Variants in RBM38 observed in about 807,000 individuals in gnomAD.
RBM38 encodes RNA-binding protein 38.
Under a neutral mutation model 23.5 loss-of-function variants are expected in RBM38, and 11 were observed. The observed-to-expected ratio is 0.47, with a 90% CI of 0.29 to 0.77. The LOEUF (loss-of-function observed/expected upper bound fraction) is 0.77. Among genes scored for constraint, RBM38 ranks in the 30% least tolerant of loss-of-function variants. RBM38 has a pLI of 0.08. For missense variants in RBM38, 330 were observed against 351.9 expected (o/e 0.94, Z 0.50); for synonymous variants, 165 against 166.1 (o/e 0.99, Z 0.05).
At chr20:57,396,212 A>C (rs1042795948) in intron 3 of RBM38, among the ~76,000 whole-genome samples, 1 of 152,014 alleles carries the variant, frequency 6.6e-6, no homozygotes. Context: ...GTGAGACCTA[A>C]CTCACCTGTG....
rs1011106722 is a variant in RBM38, at chr20:57,408,821, C to T, written c.*975C>T. On this transcript the variant is annotated 3_prime_UTR_variant, in exon 4 of 4. Transcript: ENST00000356208. Reference sequence around the variant, plus strand: ...GCGACGTTGACACTCCTCTCCCTTCCCTTCCTCCCCAACTCCCCAAACACT... The same window carrying T: ...GCGACGTTGACACTCCTCTCCCTTCTCTTCCTCCCCAACTCCCCAAACACT... The T allele has an allele frequency of 1.3e-5, 2 of 152,606 alleles. No homozygotes were observed. Among genetic ancestry groups the T allele is most frequent in the African/African-American group, 4.8e-5 (2 of 41,444 alleles). 9.5% of individuals were successfully genotyped at this position (152,606 alleles called of 1,614,324 possible). A position where few individuals can be genotyped will look rare whatever the true frequency, so the allele number is the denominator to read the frequency against.
At chr20:57,395,566 G>T (rs1319751836) in intron 3 of RBM38, among the ~76,000 whole-genome samples, 1 of 152,200 alleles carries the variant, frequency 6.6e-6, no homozygotes, top group South Asian at 2.1e-4. Context: ...AAACAGGGAC[G>T]GTGTCAGAGG....
intron 3 of RBM38, among the ~76,000 whole-genome samples, chr20:57,395,514 G>C (rs776370708): frequency 6.6e-6 from 1 of 152,202 alleles, no homozygotes; most frequent in Admixed American, 6.5e-5. Flanking sequence ...ACGATGAAGA[G>C]GCCGCAGACT....
chr20:57,403,207 C>T (rs889896180), intron 3 of RBM38, among the ~76,000 whole-genome samples: 5 of 152,204 alleles, frequency 3.3e-5, no homozygotes, highest in Admixed American at 2.6e-4. Flanking sequence ...CACCTCTAGG[C>T]CTCACAGCAA....
Position 57,392,782 on chromosome 20 carries a change from G to A in RBM38, c.361+5G>A. The A allele has an allele frequency of 6.2e-7, 1 of 1,610,906 alleles. No individual in the cohort carries two copies. Among genetic ancestry groups the A allele is most frequent in the Non-Finnish European group, 8.5e-7 (1 of 1,179,194 alleles). On this transcript the variant is annotated splice_donor_5th_base_variant and intron_variant, in intron 2 of 3. Coordinates refer to ENST00000356208, the MANE Select transcript of RBM38 (RefSeq NM_017495.6). Reference sequence around the variant, plus strand: ...AGCCGCGGAGCCTCCAGACGGGTGAGAGCTTGTGTTTTCCTGCCTGGCTCT... The same window carrying A: ...AGCCGCGGAGCCTCCAGACGGGTGAAAGCTTGTGTTTTCCTGCCTGGCTCT...
intron 3 of RBM38, among the ~76,000 whole-genome samples, chr20:57,395,444 C>G (rs1024997850): frequency 6.6e-6 from 1 of 152,068 alleles, no homozygotes; most frequent in African/African-American, 2.4e-5. Flanking sequence ...CTGTGTGCCC[C>G]CGACTTCAGG....
intron 3 of RBM38, among the ~76,000 whole-genome samples, chr20:57,402,104 C>T (rs1269065007): frequency 6.6e-6 from 1 of 152,042 alleles, no homozygotes; most frequent in Non-Finnish European, 1.5e-5. Flanking sequence ...CGCACCACCA[C>T]GCCCAGCTAT....
chr20:57,393,565 T>C (rs943963505), intron 3 of RBM38, among the ~76,000 whole-genome samples: 5 of 152,210 alleles, frequency 3.3e-5, no homozygotes, highest in Non-Finnish European at 5.9e-5. Context: ...ACACCCCAGC[T>C]CCCTTCGCTA....
chr20:57,393,371 G>A, intron 3 of RBM38, 38 bp downstream of exon 3: 3 of 1,604,674 alleles, frequency 1.9e-6, no homozygotes, highest in Middle Eastern at 1.7e-4. Flanking sequence ...GGTAGTCCGT[G>A]GAGATGAAGT....
chr20:57,400,014 G>A, intron 3 of RBM38: 1 of 456,144 alleles, frequency 2.2e-6, no homozygotes, highest in Non-Finnish European at 4.4e-6. Context: ...TGGGCAGCAT[G>A]TGTCCCCAGC....
At chr20:57,403,560 G>A (rs755227389) in intron 3 of RBM38, among the ~76,000 whole-genome samples, 8 of 152,160 alleles carry the variant, frequency 5.3e-5, no homozygotes, top group East Asian at 1.9e-4. Flanking sequence ...GGGGCAAGTC[G>A]CTTGGGGCCT....
intron 3 of RBM38, among the ~76,000 whole-genome samples, chr20:57,398,298 G>A (rs527938558): frequency 2.6e-5 from 4 of 152,294 alleles, no homozygotes; most frequent in South Asian, 2.1e-4. Context: ...GTGTGCGGGC[G>A]TGCTGGGGAA....
intron 3 of RBM38, among the ~76,000 whole-genome samples, chr20:57,403,661 G>T (rs574309284): frequency 6.6e-6 from 1 of 151,726 alleles, no homozygotes; most frequent in East Asian, 1.9e-4. Flanking sequence ...TTGCTCTTTC[G>T]CCCAGGCTGG....
chr20:57,397,709 G>A (rs328495), intron 3 of RBM38, among the ~76,000 whole-genome samples: 115,240 of 152,158 alleles, frequency 0.76, 45,535 homozygotes, highest in East Asian at 0.97. Flanking sequence ...GGAGAATGTC[G>A]ACAGCTACTC....
chr20:57,402,320 C>T (rs2146214362), intron 3 of RBM38, among the ~76,000 whole-genome samples: 1 of 152,336 alleles, frequency 6.6e-6, no homozygotes, highest in East Asian at 1.9e-4. Flanking sequence ...CAGGGCCACG[C>T]CACTGCGCCC....
intron 3 of RBM38, among the ~76,000 whole-genome samples, chr20:57,403,780 C>A (rs987107916): frequency 2.0e-5 from 3 of 152,220 alleles, no homozygotes; most frequent in Non-Finnish European, 4.4e-5. Context: ...CGCCACCACA[C>A]CTGGCTAATT....
chr20:57,392,197 C>G (rs1416172747), intron 1 of RBM38: 2 of 333,422 alleles, frequency 6.0e-6, no homozygotes, highest in Non-Finnish European at 1.2e-5. Flanking sequence ...TCGGCCTCCC[C>G]CATATTTTTA....
chr20:57,406,427 C>T (rs906640347), intron 3 of RBM38, among the ~76,000 whole-genome samples: 1 of 152,202 alleles, frequency 6.6e-6, no homozygotes, highest in African/African-American at 2.4e-5. Flanking sequence ...ACTCCTGGCC[C>T]CTCCACCTCA....
chr20:57,393,366 T>G, intron 3 of RBM38, 33 bp downstream of exon 3: 1 of 1,607,920 alleles, frequency 6.2e-7, no homozygotes. Context: ...GGGTGGGTAG[T>G]CCGTGGAGAT....
Sources: gnomAD v4.1 joint callset for allele counts (sites outside exome capture counted in the v4.1 genomes callset) on GRCh38, gnomAD v4.1.1 for gene constraint, MANE v1.5 for transcripts, NCBI Gene and HGNC (gene_info 2026-07-23, HGNC 2026-07-21) for gene names.